Variants in PRKN observed in about 807,000 individuals in gnomAD.
PRKN encodes E3 ubiquitin-protein ligase parkin.
In PRKN, 56 loss-of-function variants were observed where a neutral mutation model predicts 59.5. That is an observed-to-expected ratio of 0.94 (90% CI 0.76 to 1.18). The LOEUF (loss-of-function observed/expected upper bound fraction) is 1.18, where lower values mean the gene tolerates loss of function less well. Among genes scored for constraint, PRKN ranks in the 50% most tolerant of loss-of-function variants. PRKN has a pLI of 0.00. For synonymous variants in PRKN, 250 were observed against 222.1 expected (o/e 1.13, Z -1.12); for missense variants, 657 against 596.4 (o/e 1.10, Z -1.06).
chr6:162,431,345 G>C (rs1354338857), intron 2 of PRKN, among the ~76,000 whole-genome samples: 5 of 152,156 alleles, frequency 3.3e-5, no homozygotes, highest in African/African-American at 1.2e-4. Flanking sequence ...GGGCCAATGT[G>C]ATACGCGAAC....
At chr6:162,476,256 G>C (rs1281017719) in intron 1 of PRKN, among the ~76,000 whole-genome samples, 2 of 151,416 alleles carry the variant, frequency 1.3e-5, no homozygotes. Context: ...ATTTTTAGTA[G>C]ATACGGGGTT....
chr6:162,043,673 C>T (rs1784148467), intron 5 of PRKN, among the ~76,000 whole-genome samples: 1 of 152,190 alleles, frequency 6.6e-6, no homozygotes, highest in Non-Finnish European at 1.5e-5. Flanking sequence ...TCAAAGTTCA[C>T]TTTACATAGT....
At chr6:162,012,414 T>C (rs901115851) in intron 5 of PRKN, among the ~76,000 whole-genome samples, 6 of 151,868 alleles carry the variant, frequency 4.0e-5, no homozygotes, top group Non-Finnish European at 7.4e-5. Flanking sequence ...CATATATACA[T>C]ATTTAACTAT....
chr6:162,130,174 C>T (rs1781290870), intron 4 of PRKN, among the ~76,000 whole-genome samples: 1 of 152,122 alleles, frequency 6.6e-6, no homozygotes, highest in Admixed American at 6.5e-5. Context: ...TTCTCTTCTG[C>T]CCCACTGCCC....
At chr6:161,802,448 C>T (rs547665569) in intron 6 of PRKN, among the ~76,000 whole-genome samples, 82 of 151,610 alleles carry the variant, frequency 5.4e-4, no homozygotes, top group African/African-American at 1.9e-3. Context: ...GCCCCACACA[C>T]ACACCCCACA....
At chr6:161,491,771 C>T (rs1219404271) in intron 9 of PRKN, among the ~76,000 whole-genome samples, 2 of 152,064 alleles carry the variant, frequency 1.3e-5, no homozygotes, top group Non-Finnish European at 2.9e-5. Context: ...GCTGGGATTA[C>T]AGGTGCCTGC....
Position 161,526,599 on chromosome 6 carries a change from T to G in PRKN, c.1083+22255A>C, listed in dbSNP as rs537866828. Among the ~76,000 whole-genome samples, 1 of 150,176 alleles carries G rather than the reference T, an allele frequency of 6.7e-6. No homozygotes were observed. The highest frequency in any genetic ancestry group is 2.4e-5 in the African/African-American group (1 of 41,198). ...TAAATATAAGTAATATAAATAAATA[T>G]AATGAAATAAAATCTCAAAGCATCA... On this transcript the variant is annotated intron_variant, in intron 9 of 11. Coordinates refer to ENST00000366898, the MANE Select transcript of PRKN (RefSeq NM_004562.3). The surrounding 1 kb of genome is among the most constrained non-coding windows in gnomAD (Gnocchi z 4.1).
At chr6:162,249,862 T>C (rs1017884389) in intron 3 of PRKN, among the ~76,000 whole-genome samples, 1 of 151,616 alleles carries the variant, frequency 6.6e-6, no homozygotes, top group African/African-American at 2.4e-5. Flanking sequence ...GAAACCTTTG[T>C]GGGCTAGGTG....
chr6:162,575,765 ACTC>A (rs975267183), intron 1 of PRKN, among the ~76,000 whole-genome samples: 3 of 152,048 alleles, frequency 2.0e-5, no homozygotes, highest in South Asian at 2.1e-4. Context: ...GTCTCCATGG[ACTC>A]CTCAACACTA....
intron 1 of PRKN, among the ~76,000 whole-genome samples, chr6:162,649,528 G>A (rs1439538518): frequency 6.6e-6 from 1 of 152,054 alleles, no homozygotes; most frequent in Non-Finnish European, 1.5e-5. Flanking sequence ...AGTCAAAGGT[G>A]TATGTCATTA....
intron 6 of PRKN, among the ~76,000 whole-genome samples, chr6:161,900,593 A>G (rs1055694933): frequency 1.1e-5 from 1 of 93,424 alleles, no homozygotes; most frequent in Non-Finnish European, 2.1e-5. Context: ...ATATATTAAT[A>G]TATTATATAT....
chr6:161,550,758 T>TGC lies in PRKN; in HGVS notation c.934-1756_934-1755insGC, dbSNP rs1181915854. Among the ~76,000 whole-genome samples, 1 of 151,790 alleles carries TGC rather than the reference T, an allele frequency of 6.6e-6. No homozygotes were observed. The highest frequency in any genetic ancestry group is 1.5e-5 in the Non-Finnish European group (1 of 67,914). Reference sequence around the variant, plus strand: ...GTGCACGTGTGTGTGTGTGTGTGTGTGTGTAGGGAGTTGAGGCATGAAATA... The same window carrying TGC: ...GTGCACGTGTGTGTGTGTGTGTGTGTGCGTGTAGGGAGTTGAGGCATGAAATA... On this transcript the variant is annotated intron_variant, in intron 8 of 11. Transcript: ENST00000366898. This position sits in a 1 kb window ranked among gnomAD's most constrained non-coding sequence, Gnocchi z 4.0.
rs1341186482 is a variant in PRKN, at chr6:162,282,767, A to G, written c.172-20002T>C. 5.3e-5 allele frequency among the ~76,000 whole-genome samples: 8 copies of G among 152,322 alleles called. 1 individual carries two copies. In the East Asian group the frequency reaches 1.5e-3, roughly 29 times the overall value. On this transcript the variant is annotated intron_variant, in intron 2 of 11. Transcript: ENST00000366898. ...ATTAGCCCATTTGTCTGTATGTTGT[A>G]TATCACTCTGTATATGCATTAACTT... is the stretch of plus-strand genomic sequence containing the variant.
chr6:161,879,880 G>A (rs1176715963), intron 6 of PRKN, among the ~76,000 whole-genome samples: 1 of 151,974 alleles, frequency 6.6e-6, no homozygotes, highest in Non-Finnish European at 1.5e-5. Context: ...TTTCAGATCT[G>A]TAGGACATCC....
At chr6:161,852,508 G>T (rs1254107905) in intron 6 of PRKN, among the ~76,000 whole-genome samples, 1 of 152,090 alleles carries the variant, frequency 6.6e-6, no homozygotes, top group Admixed American at 6.6e-5. Context: ...CAAAGCATCA[G>T]TCAGGAAGGC....
At chr6:161,702,098 G>A (rs908397424) in intron 7 of PRKN, among the ~76,000 whole-genome samples, 1 of 152,062 alleles carries the variant, frequency 6.6e-6, no homozygotes, top group Non-Finnish European at 1.5e-5. Flanking sequence ...AAATGAATAT[G>A]TATTTCATGT....
At chr6:162,087,209 G>T (rs1038895953) in intron 4 of PRKN, among the ~76,000 whole-genome samples, 3 of 151,976 alleles carry the variant, frequency 2.0e-5, no homozygotes, top group African/African-American at 7.3e-5. Flanking sequence ...TTCACCTATG[G>T]GTAGACTCTC....
chr6:162,468,755 T>A (rs1562787294), intron 1 of PRKN, among the ~76,000 whole-genome samples: 1 of 152,222 alleles, frequency 6.6e-6, no homozygotes, highest in Non-Finnish European at 1.5e-5. Flanking sequence ...TGTGGTCTCT[T>A]ACCTAGAAGG....
chr6:161,782,920 A>T (rs539898247), intron 7 of PRKN, among the ~76,000 whole-genome samples: 7 of 152,246 alleles, frequency 4.6e-5, no homozygotes, highest in South Asian at 4.1e-4. Flanking sequence ...TAATTAAAAA[A>T]TTTAAAAAAA....
Sources: gnomAD v4.1 joint callset for allele counts (sites outside exome capture counted in the v4.1 genomes callset) on GRCh38, gnomAD v4.1.1 for gene constraint, Gnocchi (gnomAD v3.1) non-coding constraint, MANE v1.5 for transcripts, NCBI Gene and HGNC (gene_info 2026-07-23, HGNC 2026-07-21) for gene names.